The following UPRT variants were observed in gnomAD, a reference collection of about 807,000 sequenced individuals.
UPRT encodes uracil phosphoribosyltransferase homolog.
In UPRT, 5 loss-of-function variants were observed where a neutral mutation model predicts 22.6. The ratio of observed to expected loss-of-function variants is 0.22; its 90% CI spans 0.12 to 0.47. UPRT has a LOEUF of 0.47. Ranked by LOEUF, UPRT falls within the 20% of genes least tolerant of loss-of-function variation. UPRT has a pLI of 0.99. For missense variants in UPRT, 181 were observed against 239.9 expected (o/e 0.75, Z 1.62); for synonymous variants, 77 against 87.7 (o/e 0.88, Z 0.68).
chrX:75,201,163 C>A (rs186535741), intron 4 of UPRT, among the ~76,000 whole-genome samples: 1 of 112,030 alleles, frequency 8.9e-6, no homozygotes, highest in Non-Finnish European at 1.9e-5. Flanking sequence ...CCTGTAATGT[C>A]TTTGCATTTG....
intron 6 of UPRT, among the ~76,000 whole-genome samples, chrX:75,302,365 A>T (rs906776651): frequency 9.0e-6 from 1 of 111,553 alleles, no homozygotes; most frequent in African/African-American, 3.3e-5. Context: ...TAGTTCTAAT[A>T]GTATACATGA....
chrX:75,189,288 G>A (rs922305341), intron 4 of UPRT, among the ~76,000 whole-genome samples: 1 of 111,779 alleles, frequency 8.9e-6, no homozygotes, highest in East Asian at 2.8e-4. Context: ...GTAGTTGAGC[G>A]GTTTTGAGTG....
Position 75,303,507 on chromosome X carries a change from A to T in UPRT, c.926A>T (p.Asp309Val). The T allele has an allele frequency of 8.6e-7, 1 of 1,159,065 alleles. No individual in the cohort carries two copies. Among genetic ancestry groups the T allele is most frequent in the Non-Finnish European group, 1.2e-6 (1 of 858,680 alleles). Residue 309 changes from aspartate (D) to valine (V), a missense_variant, in exon 7 of 7, where the codon GAC becomes GTC. Asp to Val is a radical substitution (Grantham distance 152). Transcript: ENST00000373383. ...THFGQKYFGT[D>V] ...TTTGGACAGAAATACTTTGGAACAG[A>T]CTAAGTTATTTAAGTAAAATAATTA...
At chrX:75,285,303 C>G (rs1453337758) in intron 1 of UPRT, 2 of 111,551 alleles carry the variant, frequency 1.8e-5, no homozygotes, top group Non-Finnish European at 3.8e-5. Context: ...CTAGTTCTGG[C>G]CAGGAGGCTT....
chrX:75,173,944 C>T (rs780058684), intron 4 of UPRT, among the ~76,000 whole-genome samples: 1,683 of 110,963 alleles, frequency 0.015, 27 homozygotes, highest in African/African-American at 0.05. Flanking sequence ...GGCCCACAAG[C>T]GCCGCATGCA....
chrX:75,182,073 C>A, intron 4 of UPRT, among the ~76,000 whole-genome samples: 1 of 111,958 alleles, frequency 8.9e-6, no homozygotes, highest in East Asian at 2.8e-4. Context: ...TGAATTTTAT[C>A]AAAAAGGCTT....
At chrX:75,195,584 AGG>A (rs2082330509) in intron 4 of UPRT, among the ~76,000 whole-genome samples, 1 of 112,038 alleles carries the variant, frequency 8.9e-6, no homozygotes, top group Non-Finnish European at 1.9e-5. Flanking sequence ...GTGTCCATGA[AGG>A]TCGTGGGGTC....
intron 4 of UPRT, among the ~76,000 whole-genome samples, chrX:75,205,666 G>A (rs1206221720): frequency 2.7e-5 from 3 of 111,825 alleles, no homozygotes; most frequent in African/African-American, 9.8e-5. Flanking sequence ...ATCCATTTAG[G>A]TTGGAGAGGT....
intron 4 of UPRT, among the ~76,000 whole-genome samples, chrX:75,195,016 T>C (rs1417715559): frequency 9.0e-6 from 1 of 110,518 alleles, no homozygotes; most frequent in Non-Finnish European, 1.9e-5. Flanking sequence ...CATGGTAGGG[T>C]GCATGTGCAC....
At chrX:75,276,867 A>G (rs1177109800) in intron 1 of UPRT, among the ~76,000 whole-genome samples, 1 of 111,686 alleles carries the variant, frequency 9.0e-6, no homozygotes, top group South Asian at 3.8e-4. Flanking sequence ...CCTCATGCCC[A>G]TTAAACAGTC....
At chrX:75,299,385 T>G (rs2082736647) in intron 4 of UPRT, among the ~76,000 whole-genome samples, 1 of 112,247 alleles carries the variant, frequency 8.9e-6, no homozygotes. Flanking sequence ...TAAAGGCTTC[T>G]TTAAAATAAT....
At chrX:75,250,028 A>G (rs1335739938) in intron 4 of UPRT, among the ~76,000 whole-genome samples, 1 of 112,143 alleles carries the variant, frequency 8.9e-6, no homozygotes, top group African/African-American at 3.2e-5. Context: ...CAAAGACACA[A>G]CATACCAGAA....
At chrX:75,282,819 G>A (rs995562436) in intron 1 of UPRT, among the ~76,000 whole-genome samples, 1 of 111,563 alleles carries the variant, frequency 9.0e-6, no homozygotes, top group Non-Finnish European at 1.9e-5. Flanking sequence ...TAAATCCATT[G>A]TTTCTTTGTT....
chrX:75,268,902 T>C (rs2082599029), intron 4 of UPRT, among the ~76,000 whole-genome samples: 1 of 112,002 alleles, frequency 8.9e-6, no homozygotes, highest in Non-Finnish European at 1.9e-5. Context: ...TTGGAAGTTC[T>C]GGCCAGGGCA....
chrX:75,183,381 T>G (rs1569260614), intron 4 of UPRT, among the ~76,000 whole-genome samples: 1 of 111,873 alleles, frequency 8.9e-6, no homozygotes, highest in Non-Finnish European at 1.9e-5. Flanking sequence ...CATAGTATAA[T>G]ATGGTGTATA....
At chrX:75,168,030 C>A (rs921318523) in intron 4 of UPRT, among the ~76,000 whole-genome samples, 1 of 112,138 alleles carries the variant, frequency 8.9e-6, no homozygotes, top group African/African-American at 3.2e-5. Flanking sequence ...AAATAATTAG[C>A]AAGTATCATG....
chrX:75,303,487 A>G lies in UPRT; in HGVS notation c.906A>G (p.Gly302=), dbSNP rs2082751489. The part of the protein sequence containing the change: ...EVHPVAPTHF[G]QKYFGTD ...ATCCTGTTGCACCTACACATTTTGG[A>G]CAGAAATACTTTGGAACAGACTAAG... is the stretch of plus-strand genomic sequence containing the variant. The change falls in exon 7 of 7, where the codon GGA becomes GGG. Residue 302 remains glycine (G), a synonymous_variant. Coordinates refer to ENST00000373383, the MANE Select transcript of UPRT (RefSeq NM_145052.4). The G allele has an allele frequency of 2.5e-6, 3 of 1,196,425 alleles. No individual in the cohort carries two copies. Among genetic ancestry groups the G allele is most frequent in the African/African-American group, 1.8e-5 (1 of 56,891 alleles).
intron 4 of UPRT, among the ~76,000 whole-genome samples, chrX:75,248,583 T>C (rs978234589): frequency 1.1e-4 from 12 of 112,003 alleles, no homozygotes; most frequent in African/African-American, 3.6e-4. Flanking sequence ...CTACGTCTGA[T>C]TGGTGTACCT....
chrX:75,276,430 A>G (rs889070254), intron 1 of UPRT, among the ~76,000 whole-genome samples: 1 of 111,707 alleles, frequency 9.0e-6, no homozygotes, highest in African/African-American at 3.3e-5. Flanking sequence ...TTAATGAATC[A>G]ATATTGAAAA....
Sources: gnomAD v4.1 joint callset for allele counts (sites outside exome capture counted in the v4.1 genomes callset) on GRCh38, gnomAD v4.1.1 for gene constraint, MANE v1.5 for transcripts, NCBI Gene and HGNC (gene_info 2026-07-23, HGNC 2026-07-21) for gene names.